OSMR: variants seen among roughly 807,000 people sequenced by gnomAD.
OSMR encodes the protein oncostatin M receptor, also known as oncostatin-M-specific receptor subunit beta.
In OSMR, 81 loss-of-function variants were observed where a neutral mutation model predicts 99.9. The observed-to-expected ratio is 0.81, with a 90% CI of 0.68 to 0.97. The LOEUF is 0.97. Ranked by LOEUF, OSMR falls within the 50% of genes least tolerant of loss-of-function variation. OSMR has a pLI of 0.00. For synonymous variants in OSMR, 406 were observed against 410.4 expected (o/e 0.99, Z 0.13); for missense variants, 1,099 against 1,153.4 (o/e 0.95, Z 0.68).
Position 38,876,199 on chromosome 5 carries a change from A to T in OSMR, c.74-2A>T. ...TTTCATACTTCATTTTGATCTTTTC[A>T]GTCTTGGCTGAACGTTTACCATTGA... On this transcript the variant is annotated splice_acceptor_variant, in intron 2 of 17. Coordinates refer to ENST00000274276, the MANE Select transcript of OSMR (RefSeq NM_003999.3). LOFTEE classifies it high-confidence loss of function. 6.2e-7 allele frequency: 1 copy of T among 1,611,290 alleles called. No individual in the cohort carries two copies. Among genetic ancestry groups the T allele is most frequent in the South Asian group, 1.1e-5 (1 of 90,970 alleles).
chr5:38,918,471 T>C (rs1479983639), intron 10 of OSMR, among the ~76,000 whole-genome samples: 1 of 152,152 alleles, frequency 6.6e-6, no homozygotes, highest in Non-Finnish European at 1.5e-5. Flanking sequence ...CCCAGGCTCC[T>C]CCTGCAGGGT....
At chr5:38,922,792 G>A (rs13189402) in intron 12 of OSMR, among the ~76,000 whole-genome samples, 24,965 of 152,126 alleles carry the variant, frequency 0.16, 2,486 homozygotes, top group Admixed American at 0.24. Context: ...GGGGTGTGGT[G>A]GGGAACAGAC....
intron 2 of OSMR, 91 bp from the exon 3 acceptor site, chr5:38,876,110 A>C: frequency 6.4e-7 from 1 of 1,556,170 alleles, no homozygotes; most frequent in Non-Finnish European, 8.8e-7. Flanking sequence ...TTCCAGAGCT[A>C]AATAATGATG....
chr5:38,900,628 GT>G (rs1306713189), intron 7 of OSMR, among the ~76,000 whole-genome samples: 1 of 152,182 alleles, frequency 6.6e-6, no homozygotes. Flanking sequence ...AAAGACAAAG[GT>G]TTTTAAAGAA....
chr5:38,944,551 T>C (rs1402989433), intron 2 of OSMR: 1 of 1,602,026 alleles, frequency 6.2e-7, no homozygotes, highest in Non-Finnish European at 8.5e-7. Context: ...TGGTGTATCA[T>C]CTGGAATTGT....
At chr5:38,880,828 G>T (rs1488724619) in intron 3 of OSMR, among the ~76,000 whole-genome samples, 1 of 152,216 alleles carries the variant, frequency 6.6e-6, no homozygotes, top group Non-Finnish European at 1.5e-5. Context: ...TTTGAAGCCT[G>T]TGGAATTAGA....
chr5:38,911,017 A>G (rs1226192065), intron 9 of OSMR, among the ~76,000 whole-genome samples: 1 of 152,178 alleles, frequency 6.6e-6, no homozygotes, highest in African/African-American at 2.4e-5. Context: ...ACAACCCAAC[A>G]TCACACCTCA....
At chr5:38,906,662 G>C (rs1362025547) in intron 9 of OSMR, among the ~76,000 whole-genome samples, 1 of 152,094 alleles carries the variant, frequency 6.6e-6, no homozygotes, top group Admixed American at 6.6e-5. Flanking sequence ...TGCTTTAATA[G>C]ATTTAAAAAT....
chr5:38,852,718 A>ATTTTTTTTTCTTT (rs1740494834), intron 1 of OSMR, among the ~76,000 whole-genome samples: 1 of 70,660 alleles, frequency 1.4e-5, no homozygotes, highest in Non-Finnish European at 2.6e-5. Flanking sequence ...TATTGTTTTC[A>ATTTTTTTTTCTTT]TTTTTTTTTT....
exon 3 of OSMR, chr5:38,945,000 A>AG (rs759667945): frequency 6.2e-7 from 1 of 1,613,020 alleles, no homozygotes; most frequent in Non-Finnish European, 8.5e-7. Context: ...GAAAACTTAG[A>AG]GGGAACCACT....
chr5:38,892,855 G>A (rs1430073538), intron 7 of OSMR, among the ~76,000 whole-genome samples: 1 of 152,068 alleles, frequency 6.6e-6, no homozygotes, highest in Non-Finnish European at 1.5e-5. Flanking sequence ...GGGAGCTGGT[G>A]ACGCCACCTT....
chr5:38,942,756 A>C, intron 1 of OSMR: 1 of 1,204,948 alleles, frequency 8.3e-7, no homozygotes, highest in Non-Finnish European at 1.2e-6. Flanking sequence ...ACACCCAGCT[A>C]TAATCTGTAT....
chr5:38,915,367 G>T (rs1453649300), intron 9 of OSMR, among the ~76,000 whole-genome samples: 2 of 152,162 alleles, frequency 1.3e-5, no homozygotes, highest in Non-Finnish European at 2.9e-5. Flanking sequence ...CTTTCAAAAA[G>T]GATGTTTTTC....
chr5:38,889,884 T>A (rs1744038889), intron 7 of OSMR, among the ~76,000 whole-genome samples: 1 of 152,204 alleles, frequency 6.6e-6, no homozygotes, highest in African/African-American at 2.4e-5. Context: ...CTTTCATAAG[T>A]TGGATATTAG....
At chr5:38,889,196 T>C (rs1237575751) in intron 7 of OSMR, among the ~76,000 whole-genome samples, 2 of 152,150 alleles carry the variant, frequency 1.3e-5, no homozygotes, top group Non-Finnish European at 2.9e-5. Flanking sequence ...ATATGTAGTA[T>C]CAAATATTTT....
At chr5:38,935,913 C>G (rs566032544), downstream of OSMR, among the ~76,000 whole-genome samples, 20 of 152,254 alleles carry the variant, frequency 1.3e-4, no homozygotes, top group Non-Finnish European at 2.5e-4. Context: ...ATGCTGGGCT[C>G]TGTAACATTT....
chr5:38,918,506 A>T (rs913140769), intron 10 of OSMR, among the ~76,000 whole-genome samples: 2 of 152,032 alleles, frequency 1.3e-5, no homozygotes, highest in East Asian at 3.9e-4. Context: ...GTTTGTACTC[A>T]TTGCTTTTCT....
chr5:38,863,024 C>T (rs982017499), intron 1 of OSMR, among the ~76,000 whole-genome samples: 3 of 151,894 alleles, frequency 2.0e-5, no homozygotes, highest in South Asian at 2.1e-4. Context: ...ACCAGTCAGG[C>T]GTGGCGGCGT....
chr5:38,944,228 A>G (rs1343888922), exon 2 of OSMR: 6 of 622,316 alleles, frequency 9.6e-6, no homozygotes, highest in African/African-American at 1.8e-5. Context: ...GCTTAATAGA[A>G]GATAGCTGGA....
Sources: allele counts gnomAD v4.1 joint callset (sites outside exome capture counted in the v4.1 genomes callset), GRCh38; gene constraint gnomAD v4.1.1; transcripts MANE v1.5; gene names NCBI Gene and HGNC (gene_info 2026-07-23, HGNC 2026-07-21).